The following NCKAP5 variants were observed in gnomAD, a reference collection of about 807,000 sequenced individuals.
The protein encoded by NCKAP5 is nck-associated protein 5.
A neutral mutation model predicts 167.0 loss-of-function variants in NCKAP5; 92 were observed. That is an observed-to-expected ratio of 0.55 (90% CI 0.47 to 0.66). The LOEUF (loss-of-function observed/expected upper bound fraction) is 0.66. NCKAP5 is among the 30% of genes least tolerant of loss of function. NCKAP5 has a pLI of 0.00. For missense variants in NCKAP5, 2,378 were observed against 2,315.0 expected (o/e 1.03, Z -0.56); for synonymous variants, 891 against 877.4 (o/e 1.02, Z -0.27).
chr2:133,549,269 C>T (rs1281278529), intron 2 of NCKAP5, among the ~76,000 whole-genome samples: 1 of 152,108 alleles, frequency 6.6e-6, no homozygotes, highest in East Asian at 1.9e-4. Context: ...GACTCCCACA[C>T]ATTAATAATG....
intron 3 of NCKAP5, among the ~76,000 whole-genome samples, chr2:133,388,122 A>G (rs1687129544): frequency 6.6e-6 from 1 of 152,076 alleles, no homozygotes; most frequent in Non-Finnish European, 1.5e-5. Flanking sequence ...AGGTGCTCTG[A>G]TTTTTAGAAT....
intron 3 of NCKAP5, among the ~76,000 whole-genome samples, chr2:133,465,897 T>G (rs1469599847): frequency 6.8e-6 from 1 of 147,126 alleles, no homozygotes; most frequent in Non-Finnish European, 1.5e-5. Context: ...TCATTGTAGA[T>G]TCTGGATATT....
At chr2:133,575,560 A>C in the NCKAP5 span, among the ~76,000 whole-genome samples, 2 of 152,208 alleles carry the variant, frequency 1.3e-5, no homozygotes, top group African/African-American at 4.8e-5. Context: ...TAAAAATGAT[A>C]ACACTTCTTA....
chr2:132,783,528 T>C lies in NCKAP5; in HGVS notation c.3283A>G (p.Ser1095Gly). 6.2e-7 allele frequency: 1 copy of C among 1,613,700 alleles called. No homozygotes were observed. The highest frequency in any genetic ancestry group is 8.5e-7 in the Non-Finnish European group (1 of 1,179,764). ...GAAGGCTTGGGGGGTGTGGAGGCGC[T>C]ATCATTCAATTGTCCTTTTCTCCCT... ...SPGRKGQLND[S>G]ASTPPKPSFL... Residue 1095 changes from serine to glycine, a missense_variant, in exon 14 of 20, where the codon AGC (serine) becomes GGC (glycine). By Grantham distance (56) the Ser-to-Gly change is moderately conservative. Coordinates refer to ENST00000409261, the MANE Select transcript of NCKAP5 (RefSeq NM_207363.3).
At chr2:133,047,815 AGT>A (rs775604753) in intron 6 of NCKAP5, among the ~76,000 whole-genome samples, 1 of 152,226 alleles carries the variant, frequency 6.6e-6, no homozygotes, top group Non-Finnish European at 1.5e-5. Flanking sequence ...CTGATTAACC[AGT>A]AATCACACAC....
intron 6 of NCKAP5, among the ~76,000 whole-genome samples, chr2:133,033,157 TAG>T (rs1302940891): frequency 6.6e-6 from 1 of 152,318 alleles, no homozygotes; most frequent in African/African-American, 2.4e-5. Context: ...TGGCTCAGAA[TAG>T]AGAGAGATAC....
chr2:133,377,312 A>G (rs931582799), intron 3 of NCKAP5, among the ~76,000 whole-genome samples: 1 of 152,198 alleles, frequency 6.6e-6, no homozygotes, highest in Non-Finnish European at 1.5e-5. Flanking sequence ...AGATTAGCCA[A>G]AGTTTCAAAT....
At chr2:133,656,828 T>G in the NCKAP5 span, among the ~76,000 whole-genome samples, 2 of 152,200 alleles carry the variant, frequency 1.3e-5, no homozygotes, top group Non-Finnish European at 2.9e-5. Flanking sequence ...TTTGATTACA[T>G]AAGCTCTTTA....
At chr2:132,955,253 C>A (rs542069338) in intron 8 of NCKAP5, among the ~76,000 whole-genome samples, 1 of 152,296 alleles carries the variant, frequency 6.6e-6, no homozygotes, top group African/African-American at 2.4e-5. Context: ...TGGACATATC[C>A]GTGGCCATGT....
chr2:133,336,989 A>G (rs540419088), intron 3 of NCKAP5, among the ~76,000 whole-genome samples: 1 of 152,136 alleles, frequency 6.6e-6, no homozygotes, highest in Non-Finnish European at 1.5e-5. Flanking sequence ...TGACATTTTT[A>G]TAATAAATAC....
chr2:132,986,993 C>A (rs914202080), intron 7 of NCKAP5, among the ~76,000 whole-genome samples: 1 of 152,092 alleles, frequency 6.6e-6, no homozygotes, highest in African/African-American at 2.4e-5. Flanking sequence ...GACAGGTGAT[C>A]GAGGCCCTCT....
intron 19 of NCKAP5, among the ~76,000 whole-genome samples, chr2:132,704,341 A>G (rs145161687): frequency 6.6e-6 from 1 of 152,222 alleles, no homozygotes; most frequent in African/African-American, 2.4e-5. Flanking sequence ...ATAAACATCG[A>G]TTGAACTCCT....
intron 5 of NCKAP5, among the ~76,000 whole-genome samples, chr2:133,194,523 G>A (rs2085355981): frequency 6.6e-6 from 1 of 151,980 alleles, no homozygotes; most frequent in African/African-American, 2.4e-5. Flanking sequence ...CAGCTCTCAT[G>A]CCAAGGACAC....
chr2:133,510,258 C>T (rs1683371896), intron 3 of NCKAP5, among the ~76,000 whole-genome samples: 1 of 152,128 alleles, frequency 6.6e-6, no homozygotes, highest in Non-Finnish European at 1.5e-5. Flanking sequence ...GCTGGAGGTG[C>T]CCCATCGCTC....
At chr2:133,303,171 C>A in intron 3 of NCKAP5, 61 bp from the exon 4 acceptor site, 2 of 1,157,620 alleles carry the variant, frequency 1.7e-6, no homozygotes. Flanking sequence ...ATCCTAAGAC[C>A]CTGACCTTAT....
At chr2:133,002,200 T>TGA (rs1194175782) in intron 6 of NCKAP5, among the ~76,000 whole-genome samples, 4 of 152,168 alleles carry the variant, frequency 2.6e-5, no homozygotes, top group Non-Finnish European at 4.4e-5. Context: ...AGTGATACAG[T>TGA]AGTCTTCTTA....
chr2:133,038,735 A>G (rs2079115095), intron 6 of NCKAP5, among the ~76,000 whole-genome samples: 1 of 152,062 alleles, frequency 6.6e-6, no homozygotes, highest in Non-Finnish European at 1.5e-5. Flanking sequence ...ATGTAACCAT[A>G]AATATTGATA....
At chr2:132,975,697 G>T (rs934544438) in intron 7 of NCKAP5, among the ~76,000 whole-genome samples, 6 of 151,688 alleles carry the variant, frequency 4.0e-5, no homozygotes, top group Non-Finnish European at 5.9e-5. Flanking sequence ...AAGCTGGGCA[G>T]ATAGAAACCA....
the NCKAP5 span, among the ~76,000 whole-genome samples, chr2:133,600,880 T>C: frequency 3.7e-3 from 557 of 152,324 alleles, 6 homozygotes; most frequent in African/African-American, 0.013. Context: ...GAGGCTTCTT[T>C]CCTGTAAGTC....
Sources: allele counts gnomAD v4.1 joint callset (sites outside exome capture counted in the v4.1 genomes callset), GRCh38; gene constraint gnomAD v4.1.1; transcripts MANE v1.5; gene names NCBI Gene and HGNC (gene_info 2026-07-23, HGNC 2026-07-21).